The following ARHGAP28 variants were observed in gnomAD, a reference collection of about 807,000 sequenced individuals.
The protein encoded by ARHGAP28 is Rho GTPase activating protein 28, also known as rho GTPase-activating protein 28.
A neutral mutation model predicts 90.7 loss-of-function variants in ARHGAP28; 56 were observed. The ratio of observed to expected loss-of-function variants is 0.62; its 90% CI spans 0.50 to 0.77. The LOEUF (loss-of-function observed/expected upper bound fraction) is 0.77, where lower values mean the gene tolerates loss of function less well. Among genes scored for constraint, ARHGAP28 ranks in the 30% least tolerant of loss-of-function variants. ARHGAP28 has a pLI of 0.00. For synonymous variants in ARHGAP28, 308 were observed against 323.3 expected (o/e 0.95, Z 0.51); for missense variants, 869 against 900.9 (o/e 0.96, Z 0.45).
At chr18:6,903,205 A>G (rs9952817) in intron 16 of ARHGAP28, among the ~76,000 whole-genome samples, 3,243 of 152,306 alleles carry the variant, frequency 0.021, 97 homozygotes, top group African/African-American at 0.074. Flanking sequence ...ACAGATAAAA[A>G]GAGTTCTGAA....
intron 16 of ARHGAP28, among the ~76,000 whole-genome samples, chr18:6,904,517 G>A (rs562108806): frequency 2.8e-4 from 42 of 152,296 alleles, no homozygotes; most frequent in African/African-American, 8.4e-4. Flanking sequence ...CAAATCAACT[G>A]TCCAAGTTCC....
At chr18:6,781,511 C>T (rs974532942) in intron 1 of ARHGAP28, among the ~76,000 whole-genome samples, 2 of 152,174 alleles carry the variant, frequency 1.3e-5, no homozygotes, top group Non-Finnish European at 2.9e-5. Flanking sequence ...CTCCTGACCC[C>T]ATCACTCCCC....
chr18:6,769,032 C>A (rs905854677), intron 1 of ARHGAP28, among the ~76,000 whole-genome samples: 1 of 152,050 alleles, frequency 6.6e-6, no homozygotes, highest in African/African-American at 2.4e-5. Context: ...ACAATTTCAG[C>A]TTTTATAAAT....
chr18:6,890,158 G>C, intron 13 of ARHGAP28, 73 bp downstream of exon 13: 2 of 1,531,276 alleles, frequency 1.3e-6, no homozygotes, highest in Non-Finnish European at 1.8e-6. Context: ...TCCATGATTG[G>C]GCAACTCCCT....
intron 1 of ARHGAP28, among the ~76,000 whole-genome samples, chr18:6,812,722 C>G (rs1280282701): frequency 6.6e-6 from 1 of 152,136 alleles, no homozygotes; most frequent in African/African-American, 2.4e-5. Context: ...GACAAGAACC[C>G]CACAGTGTGA....
In ARHGAP28 at chr18:6,729,925, C is replaced by T. The variant is rs1272663976; in HGVS notation, c.104C>T (p.Ala35Val). 3.6e-6 allele frequency: 5 copies of T among 1,395,524 alleles called. No homozygotes were observed. The South Asian group carries it at 7.9e-5, about 22-fold the overall frequency. The allele number at this position is 1,395,524 out of a possible 1,614,324, so 86.4% of individuals were successfully genotyped here. ...AESRCAPRAA[A>V]SHPLSRKSIP... ...TCGCGCTGCGCGCCCCGCGCCGCAG[C>T]CAGCCACCCGCTCAGCAGGTACCCG... The change falls in exon 1 of 18, where the codon GCC becomes GTC. Residue 35 changes from alanine (A) to valine (V), a missense_variant. Ala to Val is a moderately conservative substitution (Grantham distance 64, BLOSUM62 0). Coordinates refer to ENST00000383472, the MANE Select transcript of ARHGAP28 (RefSeq NM_001366230.1).
intron 10 of ARHGAP28, among the ~76,000 whole-genome samples, chr18:6,879,893 G>A (rs968711873): frequency 1.8e-4 from 28 of 152,144 alleles, no homozygotes; most frequent in African/African-American, 5.6e-4. Context: ...TGCTGAGTTC[G>A]GATAAAAGCC....
At chr18:6,760,895 G>A (rs975383436) in intron 1 of ARHGAP28, among the ~76,000 whole-genome samples, 4 of 152,160 alleles carry the variant, frequency 2.6e-5, no homozygotes, top group African/African-American at 7.2e-5. Context: ...TTTTACCTGG[G>A]TGTAATTCAG....
intron 3 of ARHGAP28, among the ~76,000 whole-genome samples, chr18:6,843,276 A>T (rs2056841744): frequency 6.6e-6 from 1 of 152,108 alleles, no homozygotes; most frequent in African/African-American, 2.4e-5. Flanking sequence ...GGTGTCACTC[A>T]TCACCGAGAG....
Position 6,795,688 on chromosome 18 carries a change from G to A in ARHGAP28, c.123-29074G>A, listed in dbSNP as rs553333602. On this transcript the variant is annotated intron_variant, in intron 1 of 17. Transcript: ENST00000383472. ...GTTAGCCCGCAGCAGAAAGCCTGCA[G>A]CACTCCAGATTTGTCTGTGGGTTGT... Among the ~76,000 whole-genome samples the A allele has an allele frequency of 7.9e-5, 12 of 152,312 alleles. No individual in the cohort carries two copies. The East Asian group carries it at 2.3e-3, about 29-fold the overall frequency.
chr18:6,804,680 T>A (rs910032283), intron 1 of ARHGAP28, among the ~76,000 whole-genome samples: 6 of 152,232 alleles, frequency 3.9e-5, no homozygotes, highest in Non-Finnish European at 7.3e-5. Flanking sequence ...TAATTAGAAG[T>A]ATGTTATTTT....
At chr18:6,871,087 G>A (rs34571104) in intron 7 of ARHGAP28, among the ~76,000 whole-genome samples, 9,905 of 152,248 alleles carry the variant, frequency 0.065, 451 homozygotes, top group Middle Eastern at 0.16. Flanking sequence ...GGTGTGAGCC[G>A]CCGTGCATGG....
intron 2 of ARHGAP28, among the ~76,000 whole-genome samples, chr18:6,832,319 C>G (rs1362612859): frequency 6.6e-6 from 1 of 151,810 alleles, no homozygotes; most frequent in Non-Finnish European, 1.5e-5. Context: ...TTTTATGGCT[C>G]AGAATATTGT....
intron 1 of ARHGAP28, among the ~76,000 whole-genome samples, chr18:6,768,616 A>T (rs1383711137): frequency 6.6e-6 from 1 of 152,156 alleles, no homozygotes; most frequent in Non-Finnish European, 1.5e-5. Context: ...TATGAAGTTG[A>T]CGCTGCACAT....
intron 1 of ARHGAP28, among the ~76,000 whole-genome samples, chr18:6,796,111 T>A (rs9303990): frequency 0.25 from 38,204 of 152,146 alleles, 6,594 homozygotes; most frequent in African/African-American, 0.49. Context: ...AATAACTCTT[T>A]AGAAGGCCCA....
intron 2 of ARHGAP28, among the ~76,000 whole-genome samples, chr18:6,829,328 T>G (rs2056697977): frequency 6.6e-6 from 1 of 152,230 alleles, no homozygotes; most frequent in Non-Finnish European, 1.5e-5. Flanking sequence ...GGCTTGTTGC[T>G]GTCTTCCCTT....
At position 6,914,876 on chromosome 18, in the gene ARHGAP28, G is replaced by A. The variant is rs968597196; in HGVS notation, c.*2722G>A. 1.3e-5 allele frequency: 2 copies of A among 152,436 alleles called. No homozygotes were observed. The highest frequency in any genetic ancestry group is 4.8e-5 in the African/African-American group (2 of 41,388). The allele number at this position is 152,436 out of a possible 1,614,324, so 9.4% of individuals were successfully genotyped here. A position where few individuals can be genotyped will look rare whatever the true frequency, so the allele number is the denominator to read the frequency against. On this transcript the variant is annotated 3_prime_UTR_variant, in exon 18 of 18. Transcript: ENST00000383472. ...GATCCCTTTGTTAAGCAGCTCACTTGGAAATATGATTCTTGGAGTCAATGA... is the reference window on the plus strand; with the variant it reads ...GATCCCTTTGTTAAGCAGCTCACTTAGAAATATGATTCTTGGAGTCAATGA...
chr18:6,736,385 G>A (rs1441394292), intron 1 of ARHGAP28, among the ~76,000 whole-genome samples: 1 of 151,214 alleles, frequency 6.6e-6, no homozygotes, highest in Non-Finnish European at 1.5e-5. Flanking sequence ...TCTAAAGATA[G>A]ATTTTCTAAT....
chr18:6,879,147 T>C (rs1438189092), intron 10 of ARHGAP28, among the ~76,000 whole-genome samples: 1 of 152,190 alleles, frequency 6.6e-6, no homozygotes, highest in Non-Finnish European at 1.5e-5. Flanking sequence ...CCTCAGCTCA[T>C]TTGGAACCAA....
Sources: allele counts gnomAD v4.1 joint callset (sites outside exome capture counted in the v4.1 genomes callset), GRCh38; gene constraint gnomAD v4.1.1; transcripts MANE v1.5; gene names NCBI Gene and HGNC (gene_info 2026-07-23, HGNC 2026-07-21).